The following CAPZA2 variants were observed in gnomAD, a reference collection of about 807,000 sequenced individuals.
CAPZA2 encodes the protein capping actin protein of muscle Z-line subunit alpha 2, also known as F-actin-capping protein subunit alpha-2.
CAPZA2 carries 13 observed loss-of-function variants against 44.0 expected under a neutral mutation model. That is an observed-to-expected ratio of 0.30 (90% CI 0.19 to 0.47). The LOEUF is 0.47. CAPZA2 is among the 20% of genes least tolerant of loss of function. CAPZA2 has a pLI of 1.00. For synonymous variants in CAPZA2, 94 were observed against 108.2 expected, an observed-to-expected ratio of 0.87 and a Z score of 0.81; for missense variants, 244 against 338.6, an observed-to-expected ratio of 0.72 and a Z score of 2.19.
intron 1 of CAPZA2, among the ~76,000 whole-genome samples, chr7:116,880,383 G>C (rs907581227): frequency 1.3e-5 from 2 of 151,974 alleles, no homozygotes; most frequent in African/African-American, 4.8e-5. Flanking sequence ...CTGCAGCAAT[G>C]CCTACTAGAA....
chr7:116,863,917 T>C lies in CAPZA2; in HGVS notation c.39+1267T>C, dbSNP rs751780874. Among the ~76,000 whole-genome samples, 6 of 152,192 alleles carry C rather than the reference T, an allele frequency of 3.9e-5. No homozygotes were observed. The East Asian group carries it at 5.8e-4, about 15-fold the overall frequency. On this transcript the variant is annotated intron_variant, in intron 1 of 9. Coordinates refer to ENST00000361183, the MANE Select transcript of CAPZA2 (RefSeq NM_006136.3). The stretch of plus-strand genomic sequence containing the variant: ...GGTTCTGTCCCATTCCCAATGTGAA[T>C]GGTCAGAAGTCAGCCTCATCTTTAT...
intron 6 of CAPZA2, among the ~76,000 whole-genome samples, chr7:116,907,433 A>T (rs546805384): frequency 7.2e-5 from 11 of 152,342 alleles, no homozygotes; most frequent in African/African-American, 2.4e-4. Flanking sequence ...AACAATATTT[A>T]TAAAATTATT....
intron 4 of CAPZA2, among the ~76,000 whole-genome samples, chr7:116,902,847 C>T (rs2115955466): frequency 6.6e-6 from 1 of 152,222 alleles, no homozygotes; most frequent in Middle Eastern, 3.4e-3. Context: ...GTAGCTGGGA[C>T]TACAGGCACA....
rs1791763784 is a variant in CAPZA2, at chr7:116,921,019, G to A, written c.*3152G>A. 6.6e-6 allele frequency: 1 copy of A among 152,208 alleles called. No homozygotes were observed. The highest frequency in any genetic ancestry group is 6.6e-5 in the Admixed American group (1 of 15,266). The allele number at this position is 152,208 out of a possible 1,614,324, so 9.4% of individuals were successfully genotyped here. The stretch of plus-strand genomic sequence containing the variant: ...GAAGTGAGGGCTTGAGACGGGGGGA[G>A]GGATAGTGAAAATGTACAACCAGTG... On this transcript the variant is annotated 3_prime_UTR_variant, in exon 10 of 10. Transcript: ENST00000361183.
At chr7:116,902,529 G>A (rs1353745463) in intron 4 of CAPZA2, among the ~76,000 whole-genome samples, 1 of 152,128 alleles carries the variant, frequency 6.6e-6, no homozygotes, top group Non-Finnish European at 1.5e-5. Context: ...AAGAGCTATA[G>A]TGCCTATCAT....
intron 2 of CAPZA2, 195 bp downstream of exon 2, chr7:116,888,385 C>T: frequency 2.3e-6 from 1 of 429,784 alleles, no homozygotes; most frequent in Non-Finnish European, 4.1e-6. Context: ...ATTCTGTTAG[C>T]AAATTAACCC....
At chr7:116,867,653 G>A (rs1002376903) in intron 1 of CAPZA2, among the ~76,000 whole-genome samples, 6 of 148,516 alleles carry the variant, frequency 4.0e-5, no homozygotes, top group Non-Finnish European at 8.9e-5. Flanking sequence ...GCACGATCTC[G>A]GCTCACTGCA....
chr7:116,865,557 A>G (rs1796472820), intron 1 of CAPZA2, among the ~76,000 whole-genome samples: 1 of 151,878 alleles, frequency 6.6e-6, no homozygotes, highest in African/African-American at 2.4e-5. Context: ...TAATTTGTTG[A>G]CAGCTTATTT....
intron 7 of CAPZA2, among the ~76,000 whole-genome samples, chr7:116,910,871 G>C (rs954880207): frequency 6.6e-6 from 1 of 150,998 alleles, no homozygotes; most frequent in African/African-American, 2.4e-5. Context: ...CGTGCCTGTA[G>C]TCCCAGCTAC....
At chr7:116,916,150 T>C (rs1190547111) in intron 9 of CAPZA2, 28 bp downstream of exon 9, 2 of 1,499,470 alleles carry the variant, frequency 1.3e-6, no homozygotes, top group Non-Finnish European at 1.8e-6. Context: ...TTATATAAGC[T>C]ACACTCACAT....
chr7:116,919,868 A>AAATAATAATAAT lies in CAPZA2; in HGVS notation c.*2015_*2026dup, dbSNP rs546732285. 1 of 149,198 alleles carries AAATAATAATAAT rather than the reference A, an allele frequency of 6.7e-6. No individual in the cohort carries two copies. The highest frequency in any genetic ancestry group is 6.7e-5 in the Admixed American group (1 of 14,840). 9.2% of individuals were successfully genotyped at this position (149,198 alleles called of 1,614,324 possible). ...TGACAGAGCAAGACTCTGTCTCAAA[A>AAATAATAATAAT]AATAATAATAATAATAATAATAATA... is the stretch of plus-strand genomic sequence containing the variant. On this transcript the variant is annotated 3_prime_UTR_variant, in exon 10 of 10. Transcript: ENST00000361183.
At chr7:116,883,238 C>T (rs1477480668) in intron 1 of CAPZA2, among the ~76,000 whole-genome samples, 1 of 152,044 alleles carries the variant, frequency 6.6e-6, no homozygotes, top group Non-Finnish European at 1.5e-5. Context: ...TAATTATTTT[C>T]AGAAATTCTA....
chr7:116,895,608 C>T (rs1003981620), intron 3 of CAPZA2, among the ~76,000 whole-genome samples: 1 of 151,910 alleles, frequency 6.6e-6, no homozygotes, highest in African/African-American at 2.4e-5. Flanking sequence ...TCATCAAAAC[C>T]TTTACTAGAA....
At chr7:116,867,986 T>C (rs1796504371) in intron 1 of CAPZA2, among the ~76,000 whole-genome samples, 1 of 152,228 alleles carries the variant, frequency 6.6e-6, no homozygotes, top group Non-Finnish European at 1.5e-5. Flanking sequence ...CATTAAGTTG[T>C]TGTAAGTCTA....
intron 2 of CAPZA2, among the ~76,000 whole-genome samples, chr7:116,892,226 T>C (rs898789026): frequency 1.3e-5 from 2 of 152,186 alleles, no homozygotes; most frequent in African/African-American, 4.8e-5. Context: ...TTTAGGTTGT[T>C]TGTGTTATTT....
rs1221705513 is a variant in CAPZA2 at position 116,920,173 on chromosome 7, AG to A, written c.*2308del. On this transcript the variant is annotated 3_prime_UTR_variant, in exon 10 of 10. Coordinates refer to ENST00000361183, the MANE Select transcript of CAPZA2 (RefSeq NM_006136.3). ...GACAGGAGAATCATTTGAACCCGGGAGGTGGAGGTTGCAGTGAGCAGAGATC... is the reference window on the plus strand; with the variant it reads ...GACAGGAGAATCATTTGAACCCGGGAGTGGAGGTTGCAGTGAGCAGAGATC... 2 of 151,812 alleles carry A rather than the reference AG, an allele frequency of 1.3e-5. No homozygotes were observed. The highest frequency in any genetic ancestry group is 4.8e-5 in the African/African-American group (2 of 41,268). The allele number at this position is 151,812 out of a possible 1,614,324, so 9.4% of individuals were successfully genotyped here.
chr7:116,867,870 G>A lies in CAPZA2; in HGVS notation c.39+5220G>A, dbSNP rs565368311. 3.9e-5 allele frequency among the ~76,000 whole-genome samples: 6 copies of A among 152,164 alleles called. No individual in the cohort carries two copies. In the South Asian group the frequency reaches 6.2e-4, roughly 16 times the overall value. ...AAGTGCTGGGATTACAGGCGTGAGC[G>A]ACCACTCCCAGCCACTGGTCCATTT... On this transcript the variant is annotated intron_variant, in intron 1 of 9. Transcript: ENST00000361183.
chr7:116,874,114 A>T (rs1451541370), intron 1 of CAPZA2: 1 of 154,172 alleles, frequency 6.5e-6, no homozygotes, highest in African/African-American at 2.4e-5. Flanking sequence ...GCCAAAGGCA[A>T]CAATTCAAAA....
intron 1 of CAPZA2, among the ~76,000 whole-genome samples, chr7:116,881,533 A>T (rs1796699774): frequency 6.6e-6 from 1 of 151,926 alleles, no homozygotes; most frequent in African/African-American, 2.4e-5. Context: ...AGGTCAGGAG[A>T]TCAAGACCAT....
Sources: gnomAD v4.1 joint callset for allele counts (sites outside exome capture counted in the v4.1 genomes callset) on GRCh38, gnomAD v4.1.1 for gene constraint, MANE v1.5 for transcripts, NCBI Gene and HGNC (gene_info 2026-07-23, HGNC 2026-07-21) for gene names.